Variants in STAT5B observed in about 807,000 individuals in gnomAD.
STAT5B encodes the protein signal transducer and activator of transcription 5B.
Under a neutral mutation model 107.8 loss-of-function variants are expected in STAT5B, and 21 were observed. That is an observed-to-expected ratio of 0.19 (90% CI 0.14 to 0.28). The LOEUF (loss-of-function observed/expected upper bound fraction) is 0.28, where lower values mean the gene tolerates loss of function less well. STAT5B is among the 10% of genes least tolerant of loss of function. The pLI, the probability that STAT5B is intolerant of heterozygous loss-of-function variation, is 1.00. For synonymous variants in STAT5B, 325 were observed against 401.7 expected (o/e 0.81, Z 2.28); for missense variants, 565 against 1,008.2 (o/e 0.56, Z 5.95).
chr17:42,201,527 C>T lies in STAT5B; in HGVS notation c.*211G>A, dbSNP rs1281381441. On this transcript the variant is annotated 3_prime_UTR_variant, in exon 19 of 19. Transcript: ENST00000293328. Reference sequence around the variant, plus strand: ...AAACACCATAACGTGCAAACACGCACACACACACACACACACACACACACA... The same window carrying T: ...AAACACCATAACGTGCAAACACGCATACACACACACACACACACACACACA... The T allele has an allele frequency of 2.2e-6, 1 of 451,878 alleles. No homozygotes were observed. The highest frequency in any genetic ancestry group is 3.9e-6 in the Non-Finnish European group (1 of 258,466). 28.0% of individuals were successfully genotyped at this position (451,878 alleles called of 1,614,324 possible).
intron 16 of STAT5B, among the ~76,000 whole-genome samples, chr17:42,203,846 C>T (rs1013348477): frequency 3.9e-5 from 6 of 152,018 alleles, no homozygotes; most frequent in Non-Finnish European, 5.9e-5. Flanking sequence ...AGGCTGGTCT[C>T]GAACCCCTGA....
At chr17:42,236,888 A>G (rs2080361007) in intron 1 of STAT5B, among the ~76,000 whole-genome samples, 3 of 152,090 alleles carry the variant, frequency 2.0e-5, no homozygotes, top group African/African-American at 7.2e-5. Flanking sequence ...TGCATCTACA[A>G]AGACTGTACC....
intron 1 of STAT5B, among the ~76,000 whole-genome samples, chr17:42,250,695 C>T (rs1335307896): frequency 6.6e-6 from 1 of 151,984 alleles, no homozygotes; most frequent in Non-Finnish European, 1.5e-5. Context: ...GAGGCCAAGG[C>T]GGGCGGATCA....
the STAT5B span, among the ~76,000 whole-genome samples, chr17:42,286,345 C>T: frequency 6.6e-6 from 1 of 152,054 alleles, no homozygotes; most frequent in South Asian, 2.1e-4. Flanking sequence ...AAGGGCACAG[C>T]CACTGGGCAC....
chr17:42,203,203 G>C lies in STAT5B; in HGVS notation c.2078-395C>G, dbSNP rs538556303. 2.1e-4 allele frequency among the ~76,000 whole-genome samples: 32 copies of C among 152,168 alleles called. 1 individual carries two copies. The highest frequency in any genetic ancestry group is 7.0e-4 in the African/African-American group (29 of 41,514). ...TTATCTGCCCACCTTGGCCCCCCAA[G>C]GTGCTGGGATTACAGGCATAAGCCA... On this transcript the variant is annotated intron_variant, in intron 16 of 18. Transcript: ENST00000293328.
At chr17:42,284,913 A>G in the STAT5B span, among the ~76,000 whole-genome samples, 2 of 152,264 alleles carry the variant, frequency 1.3e-5, no homozygotes, top group Non-Finnish European at 2.9e-5. Context: ...GACTGCCTTC[A>G]AGGTTATTGA....
At chr17:42,274,600 A>G (rs777178312) in intron 1 of STAT5B, among the ~76,000 whole-genome samples, 1 of 152,228 alleles carries the variant, frequency 6.6e-6, no homozygotes, top group Non-Finnish European at 1.5e-5. Flanking sequence ...AATAAAATCA[A>G]TCAATAAGAT....
intron 1 of STAT5B, among the ~76,000 whole-genome samples, chr17:42,247,502 T>C (rs1341785808): frequency 6.6e-6 from 1 of 152,246 alleles, no homozygotes; most frequent in African/African-American, 2.4e-5. Flanking sequence ...CTTCATCAGC[T>C]GGTTAGTTCC....
At chr17:42,237,255 G>A (rs1353978393) in intron 1 of STAT5B, among the ~76,000 whole-genome samples, 2 of 152,156 alleles carry the variant, frequency 1.3e-5, no homozygotes, top group African/African-American at 4.8e-5. Context: ...GTTAATAAAA[G>A]TTTCAAAGTC....
At chr17:42,241,765 G>A (rs56187310) in intron 1 of STAT5B, among the ~76,000 whole-genome samples, 146 of 152,042 alleles carry the variant, frequency 9.6e-4, no homozygotes, top group Non-Finnish European at 1.7e-3. Context: ...TTTGAGGGAC[G>A]GAAAAATATT....
Position 42,211,997 on chromosome 17 carries a change from G to C in STAT5B, c.1667C>G (p.Ser556Cys). 6.2e-7 allele frequency: 1 copy of C among 1,612,554 alleles called. No individual in the cohort carries two copies. Among genetic ancestry groups the C allele is most frequent in the Non-Finnish European group, 8.5e-7 (1 of 1,179,330 alleles). ...EDYSGLSVSW[S>C]QFNRENLPGR... is the part of the protein sequence containing the mutation. ...TGGGCTCCTCACCCTGTTGAACTGG[G>C]ACCAGGACACAGACAGGCCACTGTA... Residue 556 changes from serine to cysteine, a missense_variant, in exon 13 of 19, where the codon TCC becomes TGC. Around this residue, in one of 11 missense-constraint regions of STAT5B, gnomAD observed 127 missense variants for 215.8 expected, o/e 0.59. Transcript: ENST00000293328.
chr17:42,200,581 G>A lies in STAT5B; in HGVS notation c.*1157C>T, dbSNP rs901580823. 6 of 153,192 alleles carry A rather than the reference G, an allele frequency of 3.9e-5. No homozygotes were observed. In the Admixed American group the frequency reaches 3.9e-4, roughly 10 times the overall value. 9.5% of individuals were successfully genotyped at this position (153,192 alleles called of 1,614,324 possible). On this transcript the variant is annotated 3_prime_UTR_variant, in exon 19 of 19. Transcript: ENST00000293328. ...GTGACCCGCTAAGCAAGCTGGCCTA[G>A]GTTCAGCCCACACTGCTGCTACCTA...
intron 16 of STAT5B, among the ~76,000 whole-genome samples, chr17:42,206,893 T>C (rs78633769): frequency 2.6e-5 from 4 of 151,260 alleles, no homozygotes; most frequent in African/African-American, 7.3e-5. Context: ...TTTTTTTTTT[T>C]TGAGACTGAG....
At chr17:42,217,309 C>T (rs1385872120) in intron 10 of STAT5B, 27 bp from the exon 11 acceptor site, 87 of 1,614,062 alleles carry the variant, frequency 5.4e-5, no homozygotes, top group Admixed American at 1.3e-4. Flanking sequence ...TAAGATGAAA[C>T]GTAAGATATA....
At chr17:42,269,061 C>A (rs77709024) in intron 1 of STAT5B, among the ~76,000 whole-genome samples, 7,116 of 151,934 alleles carry the variant, frequency 0.047, 514 homozygotes, top group African/African-American at 0.16. Flanking sequence ...CAGCTATAGG[C>A]TCTGAATTTA....
At chr17:42,229,273 C>T (rs2080298826) in intron 2 of STAT5B, among the ~76,000 whole-genome samples, 5 of 151,976 alleles carry the variant, frequency 3.3e-5, no homozygotes, top group Admixed American at 3.3e-4. Flanking sequence ...CCTCAGCCTC[C>T]CAAGTAGCTG....
Position 42,227,541 on chromosome 17 carries a change from G to A in STAT5B, c.273C>T (p.Ala91=), listed in dbSNP as rs1169315151. 6.2e-7 allele frequency: 1 copy of A among 1,613,190 alleles called. No individual in the cohort carries two copies. The highest frequency in any genetic ancestry group is 8.5e-7 in the Non-Finnish European group (1 of 1,179,858). Residue 91 remains alanine, a synonymous_variant, in exon 3 of 19, where the codon GCC becomes GCT. Transcript: ENST00000293328. The part of the protein sequence containing the change: ...FLLKIKLGHY[A]TQLQNTYDRC... ...AGCCCACACCCACCTGGAGCTGTGT[G>A]GCATAGTGCCCCAGCTTGATCTTCA...
chr17:42,261,808 C>T (rs2080599104), intron 1 of STAT5B, among the ~76,000 whole-genome samples: 1 of 152,180 alleles, frequency 6.6e-6, no homozygotes, highest in Non-Finnish European at 1.5e-5. Context: ...GATGAGCCCA[C>T]CTCAGCCTTC....
chr17:42,266,014 T>A (rs2080667994), intron 1 of STAT5B, among the ~76,000 whole-genome samples: 1 of 152,156 alleles, frequency 6.6e-6, no homozygotes, highest in Admixed American at 6.6e-5. Context: ...TTAGAAATAT[T>A]TTTCTTATTT....
Sources: allele counts gnomAD v4.1 joint callset (sites outside exome capture counted in the v4.1 genomes callset), GRCh38; gene constraint gnomAD v4.1.1; regional missense constraint gnomAD v4.1.1; transcripts MANE v1.5; gene names NCBI Gene and HGNC (gene_info 2026-07-23, HGNC 2026-07-21).